CAMK2D: variants seen among roughly 807,000 people sequenced by gnomAD.
CAMK2D encodes the protein calcium/calmodulin-dependent protein kinase type II subunit delta.
Under a neutral mutation model 84.0 loss-of-function variants are expected in CAMK2D, and 37 were observed. That is an observed-to-expected ratio of 0.44 (90% CI 0.34 to 0.58). CAMK2D has a LOEUF of 0.58. Ranked by LOEUF, CAMK2D falls within the 20% of genes least tolerant of loss-of-function variation. The pLI, the probability that CAMK2D is intolerant of heterozygous loss-of-function variation, is 0.02. For missense variants in CAMK2D, 448 were observed against 652.5 expected (o/e 0.69, Z 3.41); for synonymous variants, 202 against 212.5 (o/e 0.95, Z 0.43).
chr4:113,548,490 A>C (rs1335783249), intron 5 of CAMK2D, among the ~76,000 whole-genome samples: 1 of 152,192 alleles, frequency 6.6e-6, no homozygotes, highest in Non-Finnish European at 1.5e-5. Context: ...TAGCCTGTAG[A>C]TGAGCAAACT....
At chr4:113,507,313 C>T (rs1340405998) in intron 13 of CAMK2D, among the ~76,000 whole-genome samples, 5 of 151,648 alleles carry the variant, frequency 3.3e-5, no homozygotes, top group Admixed American at 6.6e-5. Context: ...TGCCATGGCG[C>T]GATCTCGGCT....
At chr4:113,661,180 C>T (rs2099230218) in intron 3 of CAMK2D, among the ~76,000 whole-genome samples, 1 of 152,168 alleles carries the variant, frequency 6.6e-6, no homozygotes, top group Admixed American at 6.5e-5. Context: ...TACATAATCA[C>T]AACCTTTTGA....
chr4:113,559,436 A>G (rs1490322675), intron 4 of CAMK2D, among the ~76,000 whole-genome samples: 1 of 152,192 alleles, frequency 6.6e-6, no homozygotes, highest in Non-Finnish European at 1.5e-5. Flanking sequence ...TTTGTTATTT[A>G]TTATGCTTGG....
intron 4 of CAMK2D, among the ~76,000 whole-genome samples, chr4:113,558,935 T>C (rs1323898303): frequency 1.3e-5 from 2 of 152,082 alleles, no homozygotes; most frequent in East Asian, 1.9e-4. Flanking sequence ...AGAGCCATGA[T>C]CGTACCACTG....
chr4:113,603,788 T>TGTATATATATATATATATATATAC (rs1233655935), intron 4 of CAMK2D, among the ~76,000 whole-genome samples: 1 of 144,032 alleles, frequency 6.9e-6, no homozygotes. Context: ...TATATATATA[T>TGTATATATATATATATATATATAC]ATATATATAT....
chr4:113,460,055 C>T, intron 18 of CAMK2D, 92 bp downstream of exon 18: 1 of 762,980 alleles, frequency 1.3e-6, no homozygotes, highest in South Asian at 1.5e-5. Flanking sequence ...GGTAAAAACT[C>T]TCATTGTAGA....
At chr4:113,707,079 T>C (rs529282798) in intron 2 of CAMK2D, among the ~76,000 whole-genome samples, 54 of 152,308 alleles carry the variant, frequency 3.5e-4, no homozygotes, top group Admixed American at 8.5e-4. Context: ...CCTTGTACCA[T>C]AGCAGACCTA....
chr4:113,601,259 C>T (rs191876985), intron 4 of CAMK2D, among the ~76,000 whole-genome samples: 101 of 152,248 alleles, frequency 6.6e-4, no homozygotes, highest in African/African-American at 2.3e-3. Flanking sequence ...GTGTATTTTG[C>T]CTTCCACTCA....
At position 113,598,131 on chromosome 4, in the gene CAMK2D, A is replaced by T. The variant is rs188754219; in HGVS notation, c.275+11021T>A. On this transcript the variant is annotated intron_variant, in intron 4 of 20. Transcript: ENST00000511664. The stretch of plus-strand genomic sequence containing the variant: ...AAGACTGACACTACTCAACATTGAG[A>T]CTTACCATAAAGCTACAGCAATCAG... Among the ~76,000 whole-genome samples, 11 of 152,334 alleles carry T rather than the reference A, an allele frequency of 7.2e-5. No homozygotes were observed. The East Asian group carries it at 2.1e-3, about 29-fold the overall frequency.
intron 4 of CAMK2D, among the ~76,000 whole-genome samples, chr4:113,591,122 A>T (rs1486682806): frequency 6.6e-6 from 1 of 151,772 alleles, no homozygotes; most frequent in Non-Finnish European, 1.5e-5. Flanking sequence ...GCTTCCTGGG[A>T]CCTATTGCCA....
At chr4:113,633,064 T>C (rs2099096588) in intron 3 of CAMK2D, among the ~76,000 whole-genome samples, 1 of 152,172 alleles carries the variant, frequency 6.6e-6, no homozygotes, top group Non-Finnish European at 1.5e-5. Flanking sequence ...AGCTATAAAG[T>C]AAATTCTACT....
intron 2 of CAMK2D, among the ~76,000 whole-genome samples, chr4:113,735,102 T>C (rs2099577830): frequency 6.6e-6 from 1 of 151,410 alleles, no homozygotes; most frequent in Non-Finnish European, 1.5e-5. Flanking sequence ...ACCGATAGCA[T>C]ATAAGAGCCC....
chr4:113,712,148 T>C lies in CAMK2D; in HGVS notation c.160+47172A>G, dbSNP rs146336749. Among the ~76,000 whole-genome samples, 141 of 152,218 alleles carry C rather than the reference T, an allele frequency of 9.3e-4. 2 individuals are homozygous for C. The highest frequency in any genetic ancestry group is 3.3e-3 in the African/African-American group (136 of 41,538). On this transcript the variant is annotated intron_variant, in intron 2 of 20. Transcript: ENST00000511664. The stretch of plus-strand genomic sequence containing the variant: ...GATAAAACTCATTATGCATCCTGAG[T>C]CACTTATACTTTCAAGTATGTGAAT...
intron 12 of CAMK2D, among the ~76,000 whole-genome samples, chr4:113,510,957 C>T (rs2098204337): frequency 6.6e-6 from 1 of 152,026 alleles, no homozygotes; most frequent in Non-Finnish European, 1.5e-5. Context: ...AGTATTAAAT[C>T]AATCCTGTGG....
chr4:113,710,224 T>C (rs2099487824), intron 2 of CAMK2D, among the ~76,000 whole-genome samples: 1 of 152,066 alleles, frequency 6.6e-6, no homozygotes, highest in Non-Finnish European at 1.5e-5. Context: ...TCCTAGAGTA[T>C]AGGACCTGAG....
intron 2 of CAMK2D, among the ~76,000 whole-genome samples, chr4:113,750,253 G>A (rs919762714): frequency 3.3e-5 from 5 of 152,144 alleles, no homozygotes; most frequent in African/African-American, 7.2e-5. Context: ...GAGGAGGCAG[G>A]ACCTGCACTG....
chr4:113,568,614 G>A (rs1376786482), intron 4 of CAMK2D, among the ~76,000 whole-genome samples: 2 of 152,040 alleles, frequency 1.3e-5, no homozygotes, highest in Admixed American at 6.6e-5. Flanking sequence ...TAGATCATAC[G>A]GTAATTCTAT....
Position 113,513,375 on chromosome 4 carries a change from G to T in CAMK2D, c.904-5C>A. Reference sequence around the variant, plus strand: ...CATAGTTGTCAAGATGGCACCCTGTGAAAAAAATTAGAACACAAAAGTCAG... The same window carrying T: ...CATAGTTGTCAAGATGGCACCCTGTTAAAAAAATTAGAACACAAAAGTCAG... On this transcript the variant is annotated splice_polypyrimidine_tract_variant and splice_region_variant and intron_variant, in intron 11 of 20. Transcript: ENST00000511664. 6.2e-7 allele frequency: 1 copy of T among 1,605,914 alleles called. No individual in the cohort carries two copies. The highest frequency in any genetic ancestry group is 8.5e-7 in the Non-Finnish European group (1 of 1,172,566).
At chr4:113,699,837 T>G (rs961872933) in intron 2 of CAMK2D, among the ~76,000 whole-genome samples, 3 of 152,132 alleles carry the variant, frequency 2.0e-5, no homozygotes, top group Non-Finnish European at 2.9e-5. Context: ...AAAAATAAAT[T>G]TATGAGCAAA....
Sources: allele counts gnomAD v4.1 joint callset (sites outside exome capture counted in the v4.1 genomes callset), GRCh38; gene constraint gnomAD v4.1.1; transcripts MANE v1.5; gene names NCBI Gene and HGNC (gene_info 2026-07-23, HGNC 2026-07-21).